Variants in CHN2 observed in about 807,000 individuals in gnomAD.
CHN2 encodes the protein beta-chimaerin.
A neutral mutation model predicts 56.3 loss-of-function variants in CHN2; 35 were observed. That is an observed-to-expected ratio of 0.62 (90% CI 0.47 to 0.82). The LOEUF is 0.82. Among genes scored for constraint, CHN2 ranks in the 40% least tolerant of loss-of-function variants. The pLI is 0.00. For synonymous variants in CHN2, 210 were observed against 212.8 expected, an observed-to-expected ratio of 0.99 and a Z score of 0.12; for missense variants, 491 against 580.5, an observed-to-expected ratio of 0.85 and a Z score of 1.58.
At chr7:29,512,475 G>A in intron 12 of CHN2, 89 bp from the exon 13 acceptor site, 2 of 1,118,446 alleles carry the variant, frequency 1.8e-6, no homozygotes, top group Non-Finnish European at 2.5e-6. Context: ...CTGAACCAGA[G>A]ATGTTATCGG....
At chr7:29,324,713 CT>C (rs1379649059) in intron 1 of CHN2, among the ~76,000 whole-genome samples, 1 of 151,458 alleles carries the variant, frequency 6.6e-6, no homozygotes, top group African/African-American at 2.4e-5. Flanking sequence ...CCACATTTTG[CT>C]GTCTAATATA....
intron 6 of CHN2, among the ~76,000 whole-genome samples, chr7:29,438,888 C>T (rs912006217): frequency 6.6e-6 from 1 of 152,104 alleles, no homozygotes; most frequent in Non-Finnish European, 1.5e-5. Flanking sequence ...TAGAACTATT[C>T]ACAATATTAT....
chr7:29,399,940 G>A (rs1024791430), intron 5 of CHN2, among the ~76,000 whole-genome samples: 5 of 152,142 alleles, frequency 3.3e-5, no homozygotes, highest in African/African-American at 1.2e-4. Flanking sequence ...GGAACCTCTA[G>A]GTTAGATTGT....
intron 10 of CHN2, among the ~76,000 whole-genome samples, chr7:29,505,863 G>T (rs1583437144): frequency 6.6e-6 from 1 of 152,152 alleles, no homozygotes; most frequent in Non-Finnish European, 1.5e-5. Context: ...GGGCTTAATG[G>T]TGCTTGGCAC....
At chr7:29,220,247 G>A (rs1431684529) in intron 1 of CHN2, among the ~76,000 whole-genome samples, 1 of 149,340 alleles carries the variant, frequency 6.7e-6, no homozygotes, top group Non-Finnish European at 1.5e-5. Flanking sequence ...TCCAGCCTGG[G>A]CCACAGAGGG....
At chr7:29,427,902 G>A (rs1161124422) in intron 6 of CHN2, among the ~76,000 whole-genome samples, 6 of 151,960 alleles carry the variant, frequency 3.9e-5, no homozygotes, top group African/African-American at 1.2e-4. Context: ...TGATCCACCC[G>A]CCTCAGCCTC....
At chr7:29,370,014 A>C (rs1473346741) in intron 3 of CHN2, among the ~76,000 whole-genome samples, 3 of 152,196 alleles carry the variant, frequency 2.0e-5, no homozygotes, top group Non-Finnish European at 4.4e-5. Flanking sequence ...CCCTTTCCTC[A>C]GCAGGCAGCA....
intron 1 of CHN2, among the ~76,000 whole-genome samples, chr7:29,337,190 TA>T (rs1796692946): frequency 6.6e-6 from 1 of 152,184 alleles, no homozygotes. Context: ...TGATCTTTTA[TA>T]AAGGCACAGG....
intron 2 of CHN2, among the ~76,000 whole-genome samples, chr7:29,361,974 C>T (rs1358492458): frequency 1.3e-5 from 2 of 152,252 alleles, no homozygotes; most frequent in African/African-American, 4.8e-5. Flanking sequence ...TTCCCCATGT[C>T]TGATCCCTCT....
At chr7:29,484,536 C>T (rs920959253) in intron 7 of CHN2, among the ~76,000 whole-genome samples, 7 of 152,320 alleles carry the variant, frequency 4.6e-5, no homozygotes, top group Admixed American at 4.6e-4. Context: ...CCAATCTCTG[C>T]CTCCATCTTC....
intron 1 of CHN2, among the ~76,000 whole-genome samples, chr7:29,295,416 T>C (rs889252398): frequency 1.6e-4 from 24 of 151,348 alleles, no homozygotes; most frequent in Non-Finnish European, 2.1e-4. Context: ...AGAAAATGCC[T>C]TGGACACTAA....
chr7:29,409,247 A>G (rs1802959716), intron 6 of CHN2, among the ~76,000 whole-genome samples: 1 of 151,962 alleles, frequency 6.6e-6, no homozygotes, highest in African/African-American at 2.4e-5. Context: ...ACCCCTCTAT[A>G]CTCTTTAAAG....
At chr7:29,180,507 G>A (rs1230090558) in intron 2 of CHN2, among the ~76,000 whole-genome samples, 2 of 150,866 alleles carry the variant, frequency 1.3e-5, no homozygotes, top group East Asian at 2.0e-4. Flanking sequence ...GCGACAGAGC[G>A]ACAGAGCGAC....
chr7:29,184,576 A>C (rs972350403), intron 2 of CHN2: 1 of 152,184 alleles, frequency 6.6e-6, no homozygotes, highest in Admixed American at 6.5e-5. Flanking sequence ...GCTGATGATC[A>C]GTCCAAAGGC....
intron 6 of CHN2, among the ~76,000 whole-genome samples, chr7:29,439,159 T>G (rs967136675): frequency 2.6e-5 from 4 of 152,242 alleles, no homozygotes; most frequent in Non-Finnish European, 5.9e-5. Context: ...GAGACTTCCC[T>G]AGTTGTACAG....
At chr7:29,275,168 T>C (rs999923635) in intron 1 of CHN2, among the ~76,000 whole-genome samples, 4 of 152,238 alleles carry the variant, frequency 2.6e-5, no homozygotes, top group African/African-American at 4.8e-5. Context: ...CTCATAGGGC[T>C]GTTTTGAGAA....
chr7:29,368,928 G>T (rs1392369563), intron 3 of CHN2, among the ~76,000 whole-genome samples: 2 of 152,300 alleles, frequency 1.3e-5, no homozygotes, highest in Middle Eastern at 3.4e-3. Flanking sequence ...TGTGGCTGGA[G>T]AGGAGGAAAT....
chr7:29,494,136 C>G (rs1308123263), intron 7 of CHN2, among the ~76,000 whole-genome samples: 1 of 152,180 alleles, frequency 6.6e-6, no homozygotes, highest in Non-Finnish European at 1.5e-5. Context: ...TTCTCTTTCC[C>G]TGTGGAAGAG....
chr7:29,175,006 T>C (rs1367812793), intron 2 of CHN2, among the ~76,000 whole-genome samples: 4 of 152,126 alleles, frequency 2.6e-5, no homozygotes, highest in African/African-American at 9.7e-5. Context: ...GATAATGATA[T>C]GGTTTGGCTG....
Sources: gnomAD v4.1 joint callset for allele counts (sites outside exome capture counted in the v4.1 genomes callset) on GRCh38, gnomAD v4.1.1 for gene constraint, MANE v1.5 for transcripts, NCBI Gene and HGNC (gene_info 2026-07-23, HGNC 2026-07-21) for gene names.